Variants in RBMS3 observed in about 807,000 individuals in gnomAD.
RBMS3 encodes RNA binding motif single stranded interacting protein 3, also known as RNA-binding motif, single-stranded-interacting protein 3.
RBMS3 carries 27 observed loss-of-function variants against 66.8 expected under a neutral mutation model. The observed-to-expected ratio is 0.40, with a 90% CI of 0.30 to 0.56. The LOEUF is 0.56. Ranked by LOEUF, RBMS3 falls within the 20% of genes least tolerant of loss-of-function variation. RBMS3 has a pLI of 0.40. For missense variants in RBMS3, 513 were observed against 549.5 expected, an observed-to-expected ratio of 0.93 and a Z score of 0.66; for synonymous variants, 188 against 183.0, an observed-to-expected ratio of 1.03 and a Z score of -0.22.
At chr3:29,489,569 A>G (rs1359447369) in intron 3 of RBMS3, among the ~76,000 whole-genome samples, 1 of 151,424 alleles carries the variant, frequency 6.6e-6, no homozygotes, top group Non-Finnish European at 1.5e-5. Flanking sequence ...TGAGGGTGTA[A>G]CAGCGGTATC....
chr3:29,423,579 G>A (rs947983151), intron 1 of RBMS3, among the ~76,000 whole-genome samples: 1 of 152,126 alleles, frequency 6.6e-6, no homozygotes, highest in Non-Finnish European at 1.5e-5. Context: ...TCAGCACATA[G>A]TATGGGAGAT....
At chr3:29,412,045 A>C (rs974238272) in intron 1 of RBMS3, among the ~76,000 whole-genome samples, 4 of 152,216 alleles carry the variant, frequency 2.6e-5, no homozygotes, top group Admixed American at 6.5e-5. Context: ...TCAAATGTGC[A>C]TTTAGTTAGT....
intron 5 of RBMS3, among the ~76,000 whole-genome samples, chr3:29,742,028 G>A (rs1219606359): frequency 6.6e-6 from 1 of 151,984 alleles, no homozygotes; most frequent in African/African-American, 2.4e-5. Context: ...GAGTTTTGTC[G>A]GGTACACAAT....
At chr3:29,992,320 C>T (rs1698933578) in intron 14 of RBMS3, among the ~76,000 whole-genome samples, 1 of 152,198 alleles carries the variant, frequency 6.6e-6, no homozygotes, top group Non-Finnish European at 1.5e-5. Flanking sequence ...GGCGCAGTGG[C>T]TCACGCCTGT....
chr3:29,356,852 C>T (rs2037250724), intron 1 of RBMS3, among the ~76,000 whole-genome samples: 1 of 152,032 alleles, frequency 6.6e-6, no homozygotes, highest in Non-Finnish European at 1.5e-5. Flanking sequence ...TTGCATTGAG[C>T]TGCTGAGAGG....
intron 1 of RBMS3, among the ~76,000 whole-genome samples, chr3:29,426,130 T>C (rs571192664): frequency 6.6e-6 from 1 of 152,336 alleles, no homozygotes; most frequent in East Asian, 1.9e-4. Context: ...TACACTTGAC[T>C]TTTTAAACTA....
intron 2 of RBMS3, among the ~76,000 whole-genome samples, chr3:29,477,648 G>C (rs895199641): frequency 3.3e-5 from 5 of 151,532 alleles, no homozygotes; most frequent in African/African-American, 1.2e-4. Flanking sequence ...AATCCTATTG[G>C]ATCATAACCA....
intron 4 of RBMS3, among the ~76,000 whole-genome samples, chr3:29,738,756 T>C (rs1372484472): frequency 1.3e-5 from 2 of 152,182 alleles, no homozygotes; most frequent in Non-Finnish European, 2.9e-5. Flanking sequence ...AGAAATTGTG[T>C]TTCCAATAAG....
intron 4 of RBMS3, among the ~76,000 whole-genome samples, chr3:29,698,877 C>T (rs1220774864): frequency 1.3e-5 from 2 of 151,976 alleles, no homozygotes; most frequent in Admixed American, 6.6e-5. Flanking sequence ...TATTTATCAC[C>T]ATTTATTAGA....
intron 14 of RBMS3, among the ~76,000 whole-genome samples, chr3:29,996,016 G>A (rs1395209535): frequency 1.3e-5 from 2 of 152,104 alleles, no homozygotes; most frequent in Non-Finnish European, 2.9e-5. Context: ...CTGTATTCAG[G>A]AAACCCATCT....
At chr3:29,823,210 C>T (rs1308583182) in intron 6 of RBMS3, among the ~76,000 whole-genome samples, 1 of 152,102 alleles carries the variant, frequency 6.6e-6, no homozygotes, top group Non-Finnish European at 1.5e-5. Flanking sequence ...ACCCAATGAC[C>T]TCTTCATTTT....
chr3:29,650,818 T>C (rs1228237618), intron 4 of RBMS3, among the ~76,000 whole-genome samples: 2 of 152,210 alleles, frequency 1.3e-5, no homozygotes, highest in African/African-American at 4.8e-5. Flanking sequence ...GCTGCATTCT[T>C]ATGAGACTAA....
chr3:29,474,107 C>T (rs1237390009), intron 2 of RBMS3, among the ~76,000 whole-genome samples: 2 of 152,268 alleles, frequency 1.3e-5, no homozygotes, highest in Admixed American at 6.5e-5. Context: ...AGCGCCTCTT[C>T]TAATTTTTCA....
intron 1 of RBMS3, among the ~76,000 whole-genome samples, chr3:29,318,386 T>C (rs1228734892): frequency 6.6e-6 from 1 of 151,790 alleles, no homozygotes; most frequent in African/African-American, 2.4e-5. Context: ...CTAACCTGGG[T>C]TCTGTGAGCA....
chr3:29,957,722 T>C lies in RBMS3; in HGVS notation c.1098+13468T>C, dbSNP rs186765039. Among the ~76,000 whole-genome samples the C allele has an allele frequency of 6.6e-5, 10 of 152,302 alleles. No homozygotes were observed. In the East Asian group the frequency reaches 1.9e-3, roughly 29 times the overall value. The stretch of plus-strand genomic sequence containing the variant: ...TTCCCTAGATAGCCATCATATTCAT[T>C]TATCTTACTAACATCCTCATAATTG... On this transcript the variant is annotated intron_variant, in intron 12 of 14. Transcript: ENST00000383767.
At chr3:29,406,846 A>G (rs1297540330) in intron 1 of RBMS3, among the ~76,000 whole-genome samples, 2 of 152,270 alleles carry the variant, frequency 1.3e-5, no homozygotes, top group Non-Finnish European at 2.9e-5. Context: ...ATTGTTAAGT[A>G]GTAAAACAAT....
chr3:29,779,584 A>G (rs900073506), intron 6 of RBMS3, among the ~76,000 whole-genome samples: 8 of 151,246 alleles, frequency 5.3e-5, no homozygotes, highest in Non-Finnish European at 1.2e-4. Flanking sequence ...ACAGGTATTT[A>G]ATTCAAAAGA....
intron 4 of RBMS3, among the ~76,000 whole-genome samples, chr3:29,613,501 C>T (rs181495929): frequency 6.6e-6 from 1 of 152,210 alleles, no homozygotes; most frequent in East Asian, 1.9e-4. Context: ...TCAGTTGAAA[C>T]ACAGAATATT....
At chr3:29,405,523 G>A (rs1454203766) in intron 1 of RBMS3, among the ~76,000 whole-genome samples, 1 of 152,118 alleles carries the variant, frequency 6.6e-6, no homozygotes, top group Non-Finnish European at 1.5e-5. Context: ...ATCCTTGATT[G>A]TTGGCATACT....
Sources: gnomAD v4.1 joint callset for allele counts (sites outside exome capture counted in the v4.1 genomes callset) on GRCh38, gnomAD v4.1.1 for gene constraint, MANE v1.5 for transcripts, NCBI Gene and HGNC (gene_info 2026-07-23, HGNC 2026-07-21) for gene names.